SLC24A3: variants seen among roughly 807,000 people sequenced by gnomAD.
The protein encoded by SLC24A3 is solute carrier family 24 member 3, also known as sodium/potassium/calcium exchanger 3.
SLC24A3 carries 28 observed loss-of-function variants against 75.8 expected under a neutral mutation model. The ratio of observed to expected loss-of-function variants is 0.37; its 90% confidence interval spans 0.27 to 0.51. The LOEUF (loss-of-function observed/expected upper bound fraction) is 0.51. Ranked by LOEUF, SLC24A3 falls within the 20% of genes least tolerant of loss-of-function variation. SLC24A3 has a pLI of 0.94. For missense variants in SLC24A3, 663 were observed against 847.8 expected (o/e 0.78, Z 2.71); for synonymous variants, 372 against 334.1 (o/e 1.11, Z -1.24).
At chr20:19,407,740 T>C (rs1029541674) in intron 2 of SLC24A3, among the ~76,000 whole-genome samples, 2 of 152,240 alleles carry the variant, frequency 1.3e-5, no homozygotes, top group East Asian at 1.9e-4. Flanking sequence ...ACCATATTGA[T>C]GTCTGAATCT....
At chr20:19,301,492 C>T (rs1042323722) in intron 2 of SLC24A3, among the ~76,000 whole-genome samples, 2 of 152,204 alleles carry the variant, frequency 1.3e-5, no homozygotes, top group African/African-American at 2.4e-5. Flanking sequence ...CTTGGTTATC[C>T]TCAGTGATGG....
At chr20:19,408,359 T>C (rs1246581109) in intron 2 of SLC24A3, among the ~76,000 whole-genome samples, 1 of 152,042 alleles carries the variant, frequency 6.6e-6, no homozygotes, top group Non-Finnish European at 1.5e-5. Context: ...CCCCTTTTTC[T>C]AGTGAGGGTT....
At chr20:19,652,986 A>G (rs1263369404) in intron 6 of SLC24A3, among the ~76,000 whole-genome samples, 1 of 152,214 alleles carries the variant, frequency 6.6e-6, no homozygotes, top group African/African-American at 2.4e-5. Context: ...GGGAAGGGAA[A>G]GGGACTTGCC....
intron 7 of SLC24A3, among the ~76,000 whole-genome samples, chr20:19,659,203 C>T (rs1378545434): frequency 6.6e-6 from 1 of 152,156 alleles, no homozygotes; most frequent in Non-Finnish European, 1.5e-5. Context: ...CAGGTGAGCC[C>T]TTGGCAGCAG....
chr20:19,292,176 C>T (rs6045964), intron 2 of SLC24A3, among the ~76,000 whole-genome samples: 9,087 of 152,234 alleles, frequency 0.06, 604 homozygotes, highest in African/African-American at 0.17. Flanking sequence ...GTTGGTGGAA[C>T]AAAGCGTGTC....
intron 2 of SLC24A3, among the ~76,000 whole-genome samples, chr20:19,338,294 G>T (rs570585807): frequency 6.6e-6 from 1 of 152,248 alleles, no homozygotes; most frequent in African/African-American, 2.4e-5. Context: ...TGCCTCCCAG[G>T]GTTTGTCTCT....
intron 2 of SLC24A3, among the ~76,000 whole-genome samples, chr20:19,348,738 C>T (rs555667114): frequency 6.6e-6 from 1 of 152,276 alleles, no homozygotes; most frequent in African/African-American, 2.4e-5. Flanking sequence ...TCTCCATCCT[C>T]CAGGATATGC....
chr20:19,612,607 A>T (rs1416246015), intron 6 of SLC24A3, among the ~76,000 whole-genome samples: 2 of 146,832 alleles, frequency 1.4e-5, no homozygotes, highest in African/African-American at 2.5e-5. Context: ...CCTTAAGAAA[A>T]GTGTGTGTGT....
chr20:19,396,233 C>A (rs1986451256), intron 2 of SLC24A3, among the ~76,000 whole-genome samples: 1 of 152,104 alleles, frequency 6.6e-6, no homozygotes, highest in South Asian at 2.1e-4. Flanking sequence ...ATAGACCAAG[C>A]AATGAGTATA....
At chr20:19,451,150 A>G (rs926914238) in intron 2 of SLC24A3, among the ~76,000 whole-genome samples, 7 of 152,208 alleles carry the variant, frequency 4.6e-5, no homozygotes, top group South Asian at 4.1e-4. Context: ...TATGTATGTA[A>G]TACTTCAGTG....
chr20:19,434,307 C>T lies in SLC24A3; in HGVS notation c.272-81181C>T, dbSNP rs148120696. On this transcript the variant is annotated intron_variant, in intron 2 of 16. Transcript: ENST00000328041. ...TCAGCCCCTTTTGATCACTCCGCAGCGAGGGCTTGGGAAAGCTCTCTAGAG... is the reference window on the plus strand; with the variant it reads ...TCAGCCCCTTTTGATCACTCCGCAGTGAGGGCTTGGGAAAGCTCTCTAGAG... Among the ~76,000 whole-genome samples the T allele has an allele frequency of 8.5e-5, 13 of 152,220 alleles. No individual in the cohort carries two copies. The East Asian group carries it at 1.7e-3, about 20-fold the overall frequency.
intron 2 of SLC24A3, among the ~76,000 whole-genome samples, chr20:19,292,527 G>A (rs1189338272): frequency 2.0e-5 from 3 of 152,178 alleles, no homozygotes; most frequent in Non-Finnish European, 4.4e-5. Flanking sequence ...TCTGGGGAAC[G>A]GGAATTCCAC....
intron 1 of SLC24A3, among the ~76,000 whole-genome samples, chr20:19,233,211 C>G (rs1246175298): frequency 1.3e-5 from 2 of 152,220 alleles, no homozygotes; most frequent in African/African-American, 4.8e-5. Flanking sequence ...GAGGGTCTCT[C>G]CCCAGGCTCC....
intron 1 of SLC24A3, among the ~76,000 whole-genome samples, chr20:19,264,989 C>G (rs921436662): frequency 1.3e-5 from 2 of 152,150 alleles, no homozygotes; most frequent in Non-Finnish European, 2.9e-5. Context: ...TTCACTGTTT[C>G]CTGGGATTCT....
chr20:19,585,134 C>T (rs1208374606), intron 5 of SLC24A3, 79 bp downstream of exon 5: 11 of 1,284,842 alleles, frequency 8.6e-6, no homozygotes, highest in Non-Finnish European at 1.2e-5. Flanking sequence ...GCCCCCAGAC[C>T]GAGATTGTCT....
chr20:19,639,683 C>T (rs1341928380), intron 6 of SLC24A3, among the ~76,000 whole-genome samples: 5 of 152,200 alleles, frequency 3.3e-5, no homozygotes, highest in African/African-American at 4.8e-5. Context: ...GAGCAGGGGG[C>T]GGCGCTCAAT....
chr20:19,385,492 C>G (rs1986256895), intron 2 of SLC24A3, among the ~76,000 whole-genome samples: 1 of 152,114 alleles, frequency 6.6e-6, no homozygotes, highest in African/African-American at 2.4e-5. Context: ...GTTCCATTGA[C>G]CTGTGTGTCT....
intron 6 of SLC24A3, among the ~76,000 whole-genome samples, chr20:19,609,167 T>C (rs1240212482): frequency 6.6e-6 from 1 of 152,174 alleles, no homozygotes; most frequent in Non-Finnish European, 1.5e-5. Flanking sequence ...TGAATGTTTT[T>C]CCCCAAACTC....
chr20:19,579,451 G>A (rs2031187595), intron 3 of SLC24A3, among the ~76,000 whole-genome samples: 2 of 152,132 alleles, frequency 1.3e-5, no homozygotes, highest in South Asian at 4.1e-4. Flanking sequence ...TACCTTTATG[G>A]AGTACCTACT....
Sources: gnomAD v4.1 joint callset for allele counts (sites outside exome capture counted in the v4.1 genomes callset) on GRCh38, gnomAD v4.1.1 for gene constraint, MANE v1.5 for transcripts, NCBI Gene and HGNC (gene_info 2026-07-23, HGNC 2026-07-21) for gene names.